Variants in PRKAG2 observed in about 807,000 individuals in gnomAD.
The protein encoded by PRKAG2 is 5'-AMP-activated protein kinase subunit gamma-2.
In PRKAG2, 26 loss-of-function variants were observed where a neutral mutation model predicts 69.6. That is an observed-to-expected ratio of 0.37 (90% CI 0.27 to 0.52). The LOEUF (loss-of-function observed/expected upper bound fraction) is 0.52. Ranked by LOEUF, PRKAG2 falls within the 20% of genes least tolerant of loss-of-function variation. The pLI is 0.90. For missense variants in PRKAG2, 557 were observed against 740.0 expected (o/e 0.75, Z 2.87); for synonymous variants, 293 against 285.0 (o/e 1.03, Z -0.28).
intron 6 of PRKAG2, among the ~76,000 whole-genome samples, chr7:151,581,696 G>C (rs2151070026): frequency 6.6e-6 from 1 of 151,592 alleles, no homozygotes. Flanking sequence ...AGATCCAACA[G>C]ATTTAATGGA....
At chr7:151,565,635 C>A (rs1048766362) in intron 12 of PRKAG2, 85 bp downstream of exon 12, 13 of 1,528,262 alleles carry the variant, frequency 8.5e-6, no homozygotes, top group Non-Finnish European at 1.1e-5. Flanking sequence ...ATTTTCCCCA[C>A]GTATCTCCTG....
intron 1 of PRKAG2, among the ~76,000 whole-genome samples, chr7:151,799,806 A>G (rs1230459777): frequency 6.6e-6 from 1 of 152,208 alleles, no homozygotes; most frequent in Non-Finnish European, 1.5e-5. Flanking sequence ...CGCCAGGGCC[A>G]CGCTGCAGGC....
intron 3 of PRKAG2, chr7:151,735,916 C>A (rs1799714668): frequency 6.5e-7 from 1 of 1,536,216 alleles, no homozygotes; most frequent in Non-Finnish European, 8.7e-7. Flanking sequence ...GGCCATGAGG[C>A]TCCGACTGGC....
chr7:151,704,920 C>T (rs1476607334), intron 3 of PRKAG2, among the ~76,000 whole-genome samples: 2 of 152,178 alleles, frequency 1.3e-5, no homozygotes, highest in Admixed American at 6.5e-5. Flanking sequence ...GGACAGACCA[C>T]GTCCCCAAAA....
Position 151,814,909 on chromosome 7 carries a change from A to G in PRKAG2, c.115-28368T>C. ...GCAAGCCAGCAGGAGGGAGGGCTGG[A>G]CCGGAGCTTTTAAAAAGACAGGCAG... On this transcript the variant is annotated intron_variant, in intron 1 of 15. Coordinates refer to ENST00000287878, the MANE Select transcript of PRKAG2 (RefSeq NM_016203.4). The surrounding 1 kb of genome is among the most constrained non-coding windows in gnomAD (Gnocchi z 4.8). 1 of 1,226,382 alleles carries G rather than the reference A, an allele frequency of 8.2e-7. No homozygotes were observed. Among genetic ancestry groups the G allele is most frequent in the Non-Finnish European group, 1.0e-6 (1 of 983,398 alleles). The allele number at this position is 1,226,382 out of a possible 1,614,324, so 76.0% of individuals were successfully genotyped here.
chr7:151,679,278 G>A (rs994590715), intron 3 of PRKAG2, among the ~76,000 whole-genome samples: 1 of 152,174 alleles, frequency 6.6e-6, no homozygotes, highest in Non-Finnish European at 1.5e-5. Context: ...AAAGAAGCCT[G>A]TGTGCTATTT....
intron 1 of PRKAG2, among the ~76,000 whole-genome samples, chr7:151,858,563 A>G (rs186784564): frequency 2.8e-3 from 422 of 152,256 alleles, no homozygotes; most frequent in African/African-American, 9.5e-3. Flanking sequence ...GCCCACACAC[A>G]CACACCACCC....
chr7:151,755,730 T>A (rs1357822590), intron 3 of PRKAG2, among the ~76,000 whole-genome samples: 1 of 152,150 alleles, frequency 6.6e-6, no homozygotes, highest in African/African-American at 2.4e-5. Flanking sequence ...ACCATCTGGC[T>A]TTTTACAGGA....
intron 1 of PRKAG2, among the ~76,000 whole-genome samples, chr7:151,799,014 G>A (rs2077692656): frequency 6.6e-6 from 1 of 152,118 alleles, no homozygotes; most frequent in Admixed American, 6.6e-5. Context: ...TACACCTTTG[G>A]GGACAACCAC....
At chr7:151,671,910 G>A (rs895752864) in intron 4 of PRKAG2, among the ~76,000 whole-genome samples, 2 of 152,138 alleles carry the variant, frequency 1.3e-5, no homozygotes, top group African/African-American at 4.8e-5. Flanking sequence ...GGGAGCCTTG[G>A]GCCATCAGCC....
At chr7:151,717,014 A>C (rs1358707935) in intron 3 of PRKAG2, among the ~76,000 whole-genome samples, 2 of 152,328 alleles carry the variant, frequency 1.3e-5, no homozygotes, top group African/African-American at 4.8e-5. Context: ...TGGGAGGCCA[A>C]GGTGGGTGGA....
At position 151,780,519 on chromosome 7, in the gene PRKAG2, T is replaced by C. The variant is rs887177764; in HGVS notation, c.466+633A>G. Reference sequence around the variant, plus strand: ...TTCTAGTTCGTGGTATATTTCATATTATCATCGACGGCGCTCAAATGAAAA... The same window carrying C: ...TTCTAGTTCGTGGTATATTTCATATCATCATCGACGGCGCTCAAATGAAAA... On this transcript the variant is annotated intron_variant, in intron 3 of 15. Transcript: ENST00000287878. This position sits in a 1 kb window ranked among gnomAD's most constrained non-coding sequence, Gnocchi z 4.2. 1.3e-4 allele frequency among the ~76,000 whole-genome samples: 20 copies of C among 152,370 alleles called. No homozygotes were observed. The highest frequency in any genetic ancestry group is 4.8e-4 in the African/African-American group (20 of 41,584).
At chr7:151,837,534 G>A (rs922462045) in intron 1 of PRKAG2, 1 of 152,234 alleles carries the variant, frequency 6.6e-6, no homozygotes, top group Non-Finnish European at 1.5e-5. Flanking sequence ...TATTAGTATA[G>A]TCATGGTTAA....
intron 1 of PRKAG2, among the ~76,000 whole-genome samples, chr7:151,855,497 A>AG (rs2079740765): frequency 1.6e-5 from 1 of 62,176 alleles, no homozygotes; most frequent in Non-Finnish European, 3.0e-5. Flanking sequence ...TCCACACACC[A>AG]CCCTCCACAC....
intron 3 of PRKAG2, among the ~76,000 whole-genome samples, chr7:151,740,714 G>A (rs764390387): frequency 5.9e-5 from 9 of 152,222 alleles, no homozygotes; most frequent in Admixed American, 2.0e-4. Flanking sequence ...TGCAAGTGTC[G>A]TCAGCACAAA....
chr7:151,657,851 A>G (rs957202563), intron 4 of PRKAG2, among the ~76,000 whole-genome samples: 4 of 152,328 alleles, frequency 2.6e-5, no homozygotes, highest in African/African-American at 9.6e-5. Flanking sequence ...ACACATAAAC[A>G]ATATTGTGTT....
At position 151,788,587 on chromosome 7, in the gene PRKAG2, G is replaced by C. The variant is rs1452710485; in HGVS notation, c.115-2046C>G. Among the ~76,000 whole-genome samples the C allele has an allele frequency of 2.0e-5, 3 of 152,128 alleles. No homozygotes were observed. Among genetic ancestry groups the C allele is most frequent in the Non-Finnish European group, 4.4e-5 (3 of 68,014 alleles). ...TAACCCCTTATCAGATACATGACTT[G>C]CAAATATTTTCCTCCATTCTGTGGG... On this transcript the variant is annotated intron_variant, in intron 1 of 15. Transcript: ENST00000287878. This position sits in a 1 kb window ranked among gnomAD's most constrained non-coding sequence, Gnocchi z 4.6.
intron 3 of PRKAG2, among the ~76,000 whole-genome samples, chr7:151,770,341 C>T (rs547556571): frequency 1.4e-4 from 22 of 152,288 alleles, no homozygotes; most frequent in Admixed American, 9.2e-4. Context: ...TCCACCCCAG[C>T]GTGAACATGG....
chr7:151,675,209 C>T, intron 4 of PRKAG2: 2 of 607,458 alleles, frequency 3.3e-6, no homozygotes, highest in Non-Finnish European at 6.0e-6. Context: ...GTGTGAGCCA[C>T]CGCACCCAGC....
Sources: gnomAD v4.1 joint callset for allele counts (sites outside exome capture counted in the v4.1 genomes callset) on GRCh38, gnomAD v4.1.1 for gene constraint, Gnocchi (gnomAD v3.1) non-coding constraint, MANE v1.5 for transcripts, NCBI Gene and HGNC (gene_info 2026-07-23, HGNC 2026-07-21) for gene names.